PDE4B: variants seen among roughly 807,000 people sequenced by gnomAD.
PDE4B encodes 3',5'-cyclic-AMP phosphodiesterase 4B.
A neutral mutation model predicts 82.2 loss-of-function variants in PDE4B; 20 were observed. The observed-to-expected ratio is 0.24, with a 90% CI of 0.17 to 0.35. The LOEUF is 0.35. Ranked by LOEUF, PDE4B falls within the 10% of genes least tolerant of loss-of-function variation. The pLI is 1.00. For missense variants in PDE4B, 655 were observed against 907.2 expected, an observed-to-expected ratio of 0.72 and a Z score of 3.57; for synonymous variants, 320 against 318.9, an observed-to-expected ratio of 1.00 and a Z score of -0.04.
chr1:66,266,729 G>A (rs1173257314), intron 7 of PDE4B: 1 of 522,628 alleles, frequency 1.9e-6, no homozygotes, highest in Admixed American at 2.0e-5. Flanking sequence ...GGGCCACCTT[G>A]AAGGAACACC....
intron 3 of PDE4B, among the ~76,000 whole-genome samples, chr1:66,167,141 C>T (rs1646750131): frequency 6.6e-6 from 1 of 152,136 alleles, no homozygotes; most frequent in Non-Finnish European, 1.5e-5. Context: ...AAAAGTTTGC[C>T]AGTTTCTCAA....
chr1:66,303,367 A>ATG (rs1314112859), intron 7 of PDE4B, among the ~76,000 whole-genome samples: 1 of 151,714 alleles, frequency 6.6e-6, no homozygotes, highest in East Asian at 1.9e-4. Flanking sequence ...ATATATATAT[A>ATG]TATACACACA....
intron 3 of PDE4B, among the ~76,000 whole-genome samples, chr1:65,950,267 A>G (rs911979546): frequency 6.6e-6 from 1 of 152,000 alleles, no homozygotes; most frequent in Admixed American, 6.6e-5. Flanking sequence ...GTATCCCATC[A>G]CAGGACAGCA....
intron 3 of PDE4B, among the ~76,000 whole-genome samples, chr1:66,229,312 C>G (rs967868431): frequency 6.6e-6 from 1 of 152,218 alleles, no homozygotes; most frequent in Non-Finnish European, 1.5e-5. Flanking sequence ...CCCGGCCCCC[C>G]AGAGGCTTCT....
intron 1 of PDE4B, among the ~76,000 whole-genome samples, chr1:65,847,509 C>T (rs1165266165): frequency 1.3e-5 from 2 of 152,164 alleles, no homozygotes; most frequent in African/African-American, 4.8e-5. Context: ...ATGGGGCTAC[C>T]TCTTTCTCTT....
chr1:66,171,088 A>T (rs1441038413), intron 3 of PDE4B, among the ~76,000 whole-genome samples: 2 of 152,226 alleles, frequency 1.3e-5, no homozygotes, highest in Non-Finnish European at 2.9e-5. Flanking sequence ...CTCTTAATTA[A>T]GAGTTAGAGT....
chr1:66,020,250 A>G (rs1170922365), intron 3 of PDE4B, among the ~76,000 whole-genome samples: 1 of 152,202 alleles, frequency 6.6e-6, no homozygotes, highest in Non-Finnish European at 1.5e-5. Flanking sequence ...TGTCTGGCAT[A>G]AAAATAGTGA....
intron 7 of PDE4B, among the ~76,000 whole-genome samples, chr1:66,316,167 C>T (rs909360399): frequency 2.0e-5 from 3 of 152,176 alleles, no homozygotes; most frequent in Non-Finnish European, 4.4e-5. Context: ...AAAGCAATCA[C>T]CCAGCAAGGC....
rs145881838 is a variant in PDE4B, at chr1:65,812,955, A to G, written c.-71+19707A>G. Reference sequence around the variant, plus strand: ...GCCCCAGGAATACAAAACCTTAAGAATGAAGATAAGGACACTAAAGTTTCT... The same window carrying G: ...GCCCCAGGAATACAAAACCTTAAGAGTGAAGATAAGGACACTAAAGTTTCT... On this transcript the variant is annotated intron_variant, in intron 1 of 16. Transcript: ENST00000341517. 1.6e-4 allele frequency among the ~76,000 whole-genome samples: 24 copies of G among 152,320 alleles called. 1 individual carries two copies. The East Asian group carries it at 4.6e-3, about 29-fold the overall frequency.
At chr1:65,932,244 G>T (rs889211746) in intron 3 of PDE4B, among the ~76,000 whole-genome samples, 2 of 151,684 alleles carry the variant, frequency 1.3e-5, no homozygotes, top group African/African-American at 2.4e-5. Context: ...GGGTGAACAG[G>T]TGAAAAACCA....
rs541084543 is a variant in PDE4B at position 66,106,024 on chromosome 1, C to T, written c.282-141436C>T. ...GGCATCCCTGTCTTGTGCCAGTTTT[C>T]AAAGGGAATGCTTCCAGTTTGTGCC... On this transcript the variant is annotated intron_variant, in intron 3 of 16. Coordinates refer to ENST00000341517, the MANE Select transcript of PDE4B (RefSeq NM_002600.4). 1.6e-4 allele frequency among the ~76,000 whole-genome samples: 24 copies of T among 152,154 alleles called. No homozygotes were observed. In the East Asian group the frequency reaches 3.3e-3, roughly 21 times the overall value.
chr1:66,328,388 G>A (rs1659879465), intron 7 of PDE4B, among the ~76,000 whole-genome samples: 1 of 152,176 alleles, frequency 6.6e-6, no homozygotes, highest in South Asian at 2.1e-4. Flanking sequence ...TGCTTCTGTG[G>A]TGTTAAACAT....
chr1:66,026,170 T>C (rs187925945), intron 3 of PDE4B, among the ~76,000 whole-genome samples: 93 of 152,318 alleles, frequency 6.1e-4, no homozygotes, highest in African/African-American at 2.1e-3. Flanking sequence ...CCTTGAAGCA[T>C]GAATGACAGT....
chr1:66,203,468 T>C (rs1649215516), intron 3 of PDE4B, among the ~76,000 whole-genome samples: 1 of 152,240 alleles, frequency 6.6e-6, no homozygotes, highest in Non-Finnish European at 1.5e-5. Flanking sequence ...ATTCTCCCTG[T>C]CACTTTCAGG....
At chr1:65,794,783 A>G (rs1645612696) in intron 1 of PDE4B, among the ~76,000 whole-genome samples, 1 of 152,226 alleles carries the variant, frequency 6.6e-6, no homozygotes, top group Non-Finnish European at 1.5e-5. Context: ...ACTGGAATTT[A>G]TGAGATGGCA....
At chr1:65,802,632 C>T (rs1645706700) in intron 1 of PDE4B, among the ~76,000 whole-genome samples, 1 of 152,062 alleles carries the variant, frequency 6.6e-6, no homozygotes, top group Non-Finnish European at 1.5e-5. Flanking sequence ...GGTAGGAAAC[C>T]ACTATTGTCA....
chr1:66,162,305 CTTTTTTT>C (rs1168144080), intron 3 of PDE4B, among the ~76,000 whole-genome samples: 41 of 40,304 alleles, frequency 1.0e-3, no homozygotes, highest in Non-Finnish European at 1.5e-3. Context: ...ATGGACTTCT[CTTTTTTT>C]TTTTTTTTTT....
intron 6 of PDE4B, among the ~76,000 whole-genome samples, chr1:66,262,554 C>G (rs1445341133): frequency 6.6e-6 from 1 of 152,232 alleles, no homozygotes; most frequent in African/African-American, 2.4e-5. Context: ...AGCCACGTAA[C>G]TTCTTATGAT....
chr1:66,074,957 A>C (rs75516575), intron 3 of PDE4B, among the ~76,000 whole-genome samples: 6 of 151,984 alleles, frequency 3.9e-5, no homozygotes, highest in Non-Finnish European at 8.8e-5. Flanking sequence ...TGAGCCCCCA[A>C]ATTGGGTCTT....
Sources: gnomAD v4.1 joint callset for allele counts (sites outside exome capture counted in the v4.1 genomes callset) on GRCh38, gnomAD v4.1.1 for gene constraint, MANE v1.5 for transcripts, NCBI Gene and HGNC (gene_info 2026-07-23, HGNC 2026-07-21) for gene names.